FBXL17: variants seen among roughly 807,000 people sequenced by gnomAD.
FBXL17 encodes the protein F-box/LRR-repeat protein 17.
A neutral mutation model predicts 66.2 loss-of-function variants in FBXL17; 22 were observed. The ratio of observed to expected loss-of-function variants is 0.33; its 90% confidence interval spans 0.24 to 0.47. The LOEUF (loss-of-function observed/expected upper bound fraction) is 0.47, where lower values mean the gene tolerates loss of function less well. Ranked by LOEUF, FBXL17 falls within the 20% of genes least tolerant of loss-of-function variation. The pLI, the probability that FBXL17 is intolerant of heterozygous loss-of-function variation, is 1.00. For synonymous variants in FBXL17, 474 were observed against 400.5 expected (o/e 1.18, Z -2.19); for missense variants, 878 against 948.2 (o/e 0.93, Z 0.97).
chr5:107,872,811 T>C (rs1037209128), intron 8 of FBXL17, among the ~76,000 whole-genome samples: 2 of 152,236 alleles, frequency 1.3e-5, no homozygotes, highest in Admixed American at 6.5e-5. Context: ...ACAGATGCTA[T>C]TATTTTCATT....
intron 4 of FBXL17, among the ~76,000 whole-genome samples, chr5:108,312,169 T>C (rs1759151251): frequency 6.6e-6 from 1 of 152,142 alleles, no homozygotes; most frequent in African/African-American, 2.4e-5. Context: ...AAAAGGCTAT[T>C]GCAGAACAGA....
intron 6 of FBXL17, among the ~76,000 whole-genome samples, chr5:108,156,912 G>A (rs1057097416): frequency 4.0e-5 from 6 of 151,830 alleles, no homozygotes; most frequent in African/African-American, 9.7e-5. Flanking sequence ...TTAAATTAGT[G>A]AGGGCCAAGA....
chr5:108,299,240 T>A (rs921566528), intron 4 of FBXL17: 1 of 985,266 alleles, frequency 1.0e-6, no homozygotes, highest in Non-Finnish European at 1.2e-6. Flanking sequence ...ATTCCCAATC[T>A]GCACCTAGTT....
chr5:108,209,466 T>C (rs1300914388), intron 5 of FBXL17, among the ~76,000 whole-genome samples: 2 of 152,174 alleles, frequency 1.3e-5, no homozygotes, highest in East Asian at 1.9e-4. Context: ...TAACTCTTAT[T>C]ATTTTGAGAT....
intron 7 of FBXL17, among the ~76,000 whole-genome samples, chr5:107,944,551 A>C (rs959391749): frequency 1.3e-5 from 2 of 152,214 alleles, no homozygotes; most frequent in Non-Finnish European, 2.9e-5. Context: ...AAGTTTACCA[A>C]TGTTGGTAGT....
At chr5:107,939,606 A>C (rs1170649020) in intron 7 of FBXL17, among the ~76,000 whole-genome samples, 6 of 152,116 alleles carry the variant, frequency 3.9e-5, no homozygotes, top group Middle Eastern at 3.2e-3. Flanking sequence ...CCCTCAGTAG[A>C]TTCTCATTAT....
At chr5:107,962,838 A>G (rs1294550961) in intron 7 of FBXL17, among the ~76,000 whole-genome samples, 1 of 152,054 alleles carries the variant, frequency 6.6e-6, no homozygotes, top group Admixed American at 6.6e-5. Context: ...CATGATCTAT[A>G]TAGAAGTCTT....
intron 4 of FBXL17, among the ~76,000 whole-genome samples, chr5:108,344,593 T>C (rs866646783): frequency 2.6e-5 from 4 of 152,280 alleles, no homozygotes; most frequent in Middle Eastern, 6.8e-3. Flanking sequence ...GAATAACTCA[T>C]AAAATTCCAG....
At position 107,933,484 on chromosome 5, in the gene FBXL17, T is replaced by C. The variant is rs80291300; in HGVS notation, c.1823-52305A>G. Among the ~76,000 whole-genome samples the C allele has an allele frequency of 5.7e-3, 871 of 152,312 alleles. 3 individuals are homozygous for C. Among genetic ancestry groups the C allele is most frequent in the Non-Finnish European group, 9.1e-3 (618 of 68,024 alleles). On this transcript the variant is annotated intron_variant, in intron 7 of 8. Transcript: ENST00000542267. ...GAGTTAATAGGCTTCTCAAGTATTC[T>C]TTACATGAAGGTAGCTGGAACGCAA...
intron 6 of FBXL17, among the ~76,000 whole-genome samples, chr5:108,161,140 G>A (rs556293884): frequency 2.9e-5 from 4 of 140,094 alleles, no homozygotes; most frequent in African/African-American, 1.1e-4. Context: ...TGGCATGTTG[G>A]GAATAATTAA....
chr5:108,219,928 C>CTTTTTTT, intron 5 of FBXL17, among the ~76,000 whole-genome samples: 4 of 37,452 alleles, frequency 1.1e-4, no homozygotes, highest in Non-Finnish European at 1.4e-4. Flanking sequence ...TTACTATTTC[C>CTTTTTTT]TTTTTTTTTT....
intron 6 of FBXL17, among the ~76,000 whole-genome samples, chr5:108,165,500 A>T (rs1455722919): frequency 6.6e-6 from 1 of 152,230 alleles, no homozygotes; most frequent in Non-Finnish European, 1.5e-5. Context: ...CTAGACCATG[A>T]AAGAAAACAA....
intron 6 of FBXL17, among the ~76,000 whole-genome samples, chr5:108,021,967 T>A (rs1195883552): frequency 6.6e-6 from 1 of 151,914 alleles, no homozygotes; most frequent in African/African-American, 2.4e-5. Flanking sequence ...TCAGTATCCA[T>A]CTCTGTCTTT....
intron 7 of FBXL17, among the ~76,000 whole-genome samples, chr5:108,005,277 G>A (rs530764210): frequency 2.0e-5 from 3 of 152,076 alleles, no homozygotes; most frequent in Non-Finnish European, 4.4e-5. Flanking sequence ...AAGTATCAGA[G>A]TCCCAGGTGA....
chr5:108,277,712 AC>A (rs1012972659), intron 4 of FBXL17, among the ~76,000 whole-genome samples: 1 of 152,178 alleles, frequency 6.6e-6, no homozygotes, highest in Non-Finnish European at 1.5e-5. Context: ...CCCCTAAAAA[AC>A]AAAGGAATAC....
chr5:108,273,363 T>C (rs955094564), intron 4 of FBXL17, among the ~76,000 whole-genome samples: 13 of 150,218 alleles, frequency 8.7e-5, no homozygotes, highest in Admixed American at 4.0e-4. Flanking sequence ...ATAATAATAA[T>C]AAAAGGAAAA....
At chr5:107,867,186 A>T in intron 8 of FBXL17, among the ~76,000 whole-genome samples, 1 of 152,202 alleles carries the variant, frequency 6.6e-6, no homozygotes, top group East Asian at 1.9e-4. Context: ...TCTGAAGTTC[A>T]TACCCATGGT....
chr5:108,356,218 G>A (rs937345634), intron 3 of FBXL17, among the ~76,000 whole-genome samples: 3 of 152,086 alleles, frequency 2.0e-5, no homozygotes, highest in African/African-American at 7.2e-5. Flanking sequence ...CCTAACAAGA[G>A]AGCATCAGAA....
intron 6 of FBXL17, among the ~76,000 whole-genome samples, chr5:108,153,007 T>C (rs1751830198): frequency 6.6e-6 from 1 of 152,108 alleles, no homozygotes. Context: ...TGAGTAAGTC[T>C]CATGAGATGT....
Sources: allele counts gnomAD v4.1 joint callset (sites outside exome capture counted in the v4.1 genomes callset), GRCh38; gene constraint gnomAD v4.1.1; transcripts MANE v1.5; gene names NCBI Gene and HGNC (gene_info 2026-07-23, HGNC 2026-07-21).